The following DST variants were observed in gnomAD, a reference collection of about 807,000 sequenced individuals.
DST encodes dystonin.
DST carries 253 observed loss-of-function variants against 875.2 expected under a neutral mutation model. The observed-to-expected ratio is 0.29, with a 90% confidence interval of 0.26 to 0.32. The LOEUF is 0.32. DST is among the 10% of genes least tolerant of loss of function. The pLI is 1.00. For synonymous variants in DST, 3,124 were observed against 3,197.1 expected (o/e 0.98, Z 0.77); for missense variants, 8,287 against 9,111.6 (o/e 0.91, Z 3.68).
At chr6:56,557,168 T>C (rs920704442) in intron 59 of DST, 151 bp downstream of exon 59, 27 of 698,360 alleles carry the variant, frequency 3.9e-5, no homozygotes, top group Admixed American at 6.3e-5. Flanking sequence ...ATCAGGACAG[T>C]ATCTTATGGG....
At chr6:56,729,300 C>T (rs2099486544) in intron 5 of DST, among the ~76,000 whole-genome samples, 1 of 152,100 alleles carries the variant, frequency 6.6e-6, no homozygotes, top group Admixed American at 6.6e-5. Flanking sequence ...TCAAAAATTC[C>T]CCTATTTTGG....
intron 78 of DST, 81 bp downstream of exon 78, chr6:56,503,916 A>C (rs2096229796): frequency 4.1e-6 from 4 of 964,624 alleles, no homozygotes; most frequent in Admixed American, 5.7e-5. Flanking sequence ...CATTAGGTAA[A>C]ATAAATTTAT....
intron 4 of DST, among the ~76,000 whole-genome samples, chr6:56,770,081 T>C (rs770620584): frequency 5.3e-5 from 8 of 152,246 alleles, no homozygotes; most frequent in Non-Finnish European, 1.0e-4. Flanking sequence ...TCATTGCATA[T>C]GAATCTGCCC....
intron 5 of DST, among the ~76,000 whole-genome samples, chr6:56,724,712 C>T (rs1257559774): frequency 1.3e-5 from 2 of 152,190 alleles, no homozygotes; most frequent in Non-Finnish European, 2.9e-5. Flanking sequence ...GGTTCTTGGC[C>T]AGACCACAGA....
At chr6:56,737,927 C>A (rs970005466) in intron 4 of DST, among the ~76,000 whole-genome samples, 1 of 152,014 alleles carries the variant, frequency 6.6e-6, no homozygotes. Context: ...CACAAATGTT[C>A]GAGAAAAGGA....
rs751115991 is a variant in DST at position 56,646,001 on chromosome 6, AAAC to A, written c.1651-11_1651-9del. 1.1e-5 allele frequency: 17 copies of A among 1,607,538 alleles called. No homozygotes were observed. In the Middle Eastern group the frequency reaches 5.0e-4, roughly 47 times the overall value. On this transcript the variant is annotated splice_polypyrimidine_tract_variant and intron_variant, in intron 14 of 103. Transcript: ENST00000680361. The stretch of plus-strand genomic sequence containing the variant: ...TCCAAATTCTATCCAAATCTTGAGA[AAAC>A]AAAAAACTTTAATGTGAAGCAAAAA...
At chr6:56,472,344 A>C (rs534099854) in intron 93 of DST, 122 bp from the exon 94 acceptor site, 1 of 841,246 alleles carries the variant, frequency 1.2e-6, no homozygotes, top group Admixed American at 2.9e-5. Context: ...CGCAAGTAAA[A>C]GTATCCTAAT....
chr6:56,620,832 G>A (rs907820888), intron 36 of DST: 11 of 900,954 alleles, frequency 1.2e-5, no homozygotes, highest in South Asian at 2.7e-5. Flanking sequence ...CAGAACAAGC[G>A]CTATCACCAC....
intron 10 of DST, among the ~76,000 whole-genome samples, chr6:56,669,070 T>C (rs975228093): frequency 2.0e-5 from 3 of 152,064 alleles, no homozygotes; most frequent in South Asian, 2.1e-4. Context: ...CTTTATGAGA[T>C]TGTCAGGAGA....
intron 52 of DST, among the ~76,000 whole-genome samples, chr6:56,572,530 T>A (rs1199739755): frequency 6.6e-6 from 1 of 152,230 alleles, no homozygotes; most frequent in Non-Finnish European, 1.5e-5. Flanking sequence ...TTATACTACC[T>A]ATGATACATG....
chr6:56,599,625 A>G (rs549945890), intron 45 of DST, among the ~76,000 whole-genome samples: 4 of 152,240 alleles, frequency 2.6e-5, no homozygotes, highest in African/African-American at 9.6e-5. Flanking sequence ...AGATATCTTT[A>G]TCTGTTGTTA....
chr6:56,953,425 T>C (rs991499666), intron 2 of DST, among the ~76,000 whole-genome samples: 3 of 152,226 alleles, frequency 2.0e-5, no homozygotes, highest in African/African-American at 7.2e-5. Flanking sequence ...AACCTCTTCG[T>C]TTATCCAAGT....
chr6:56,867,177 A>G (rs1050082511), intron 3 of DST, among the ~76,000 whole-genome samples: 2 of 152,174 alleles, frequency 1.3e-5, no homozygotes, highest in African/African-American at 2.4e-5. Flanking sequence ...ACCCAGCTTC[A>G]CTACTTATTA....
At chr6:56,620,058 T>A in intron 36 of DST, 1 of 1,613,892 alleles carries the variant, frequency 6.2e-7, no homozygotes, top group Non-Finnish European at 8.5e-7. Flanking sequence ...GTATACTGAA[T>A]TTCAGTTATT....
At chr6:56,879,873 T>C (rs1046603933) in intron 3 of DST, among the ~76,000 whole-genome samples, 1 of 152,234 alleles carries the variant, frequency 6.6e-6, no homozygotes, top group African/African-American at 2.4e-5. Flanking sequence ...AGTTCCAGAA[T>C]GCACACTCTT....
chr6:56,805,489 CA>C (rs542460360), intron 4 of DST, among the ~76,000 whole-genome samples: 2 of 149,986 alleles, frequency 1.3e-5, no homozygotes, highest in South Asian at 2.1e-4. Flanking sequence ...TAAAAACAAA[CA>C]AAAAAAAACA....
At chr6:56,469,772 G>T in intron 97 of DST, 111 bp downstream of exon 97, 1 of 892,938 alleles carries the variant, frequency 1.1e-6, no homozygotes, top group Non-Finnish European at 1.8e-6. Flanking sequence ...ATTTTGACAT[G>T]AGGTAAAAAA....
Position 56,603,959 on chromosome 6 carries a change from C to G in DST, c.10669G>C (p.Val3557Leu). 1 of 1,611,248 alleles carries G rather than the reference C, an allele frequency of 6.2e-7. No individual in the cohort carries two copies. The highest frequency in any genetic ancestry group is 8.5e-7 in the Non-Finnish European group (1 of 1,178,470). Reference sequence around the variant, plus strand: ...TCTCTTGGCAATGTTGATGCCCACACAGTAGAGCTTTCTAGTCCAATTTCT... The same window carrying G: ...TCTCTTGGCAATGTTGATGCCCACAGAGTAGAGCTTTCTAGTCCAATTTCT... ...VKEIGLESST[V>L]WASTLPRDEK... The change falls in exon 40 of 104, where the codon GTG becomes CTG. Residue 3557 changes from valine (V) to leucine (L), a missense_variant. Val to Leu is a conservative substitution (Grantham distance 32). Coordinates refer to ENST00000680361, the MANE Select transcript of DST (RefSeq NM_001374736.1).
rs1440927314 is a variant in DST at position 56,714,804 on chromosome 6, C to G, written c.688-10435G>C. ...CTGTGATATTTCTCTATTGATAACT[C>G]CTCCTCTAGTTACTGAAATCTTACT... On this transcript the variant is annotated intron_variant, in intron 5 of 103. Transcript: ENST00000680361. The surrounding 1 kb of genome is among the most constrained non-coding windows in gnomAD (Gnocchi z 4.5). Among the ~76,000 whole-genome samples the G allele has an allele frequency of 6.6e-6, 1 of 152,172 alleles. No individual in the cohort carries two copies. The highest frequency in any genetic ancestry group is 1.9e-4 in the East Asian group (1 of 5,200).
Sources: gnomAD v4.1 joint callset for allele counts (sites outside exome capture counted in the v4.1 genomes callset) on GRCh38, gnomAD v4.1.1 for gene constraint, Gnocchi (gnomAD v3.1) non-coding constraint, MANE v1.5 for transcripts, NCBI Gene and HGNC (gene_info 2026-07-23, HGNC 2026-07-21) for gene names.